SLC35F3: variants seen among roughly 807,000 people sequenced by gnomAD.
SLC35F3 encodes solute carrier family 35 member F3.
Under a neutral mutation model 49.9 loss-of-function variants are expected in SLC35F3, and 25 were observed. The ratio of observed to expected loss-of-function variants is 0.50; its 90% CI spans 0.37 to 0.70. SLC35F3 has a LOEUF of 0.70. Ranked by LOEUF, SLC35F3 falls within the 30% of genes least tolerant of loss-of-function variation. The probability of loss-of-function intolerance (pLI) is 0.00; values close to 1 mark genes in which losing one functional copy is unlikely to be tolerated. For synonymous variants in SLC35F3, 275 were observed against 265.4 expected (o/e 1.04, Z -0.35); for missense variants, 525 against 639.8 (o/e 0.82, Z 1.94).
intron 2 of SLC35F3, among the ~76,000 whole-genome samples, chr1:234,155,821 G>C (rs1298187756): frequency 1.3e-5 from 2 of 150,704 alleles, no homozygotes; most frequent in African/African-American, 4.9e-5. Flanking sequence ...ATAGGGTGGA[G>C]TAATTTTTAA....
chr1:234,083,087 C>T (rs750633450), intron 2 of SLC35F3, among the ~76,000 whole-genome samples: 15 of 152,284 alleles, frequency 9.9e-5, no homozygotes, highest in Non-Finnish European at 1.9e-4. Flanking sequence ...TTTCCTCTTT[C>T]TGTTTCCTCC....
chr1:234,061,189 G>A (rs746453962), intron 2 of SLC35F3, among the ~76,000 whole-genome samples: 1 of 151,676 alleles, frequency 6.6e-6, no homozygotes, highest in Non-Finnish European at 1.5e-5. Context: ...TTATCTCAAG[G>A]CGTCTTTTCT....
intron 4 of SLC35F3, among the ~76,000 whole-genome samples, chr1:234,314,353 G>A (rs1273282754): frequency 6.6e-6 from 1 of 152,198 alleles, no homozygotes; most frequent in Non-Finnish European, 1.5e-5. Context: ...GAGAACAGAG[G>A]AAGAGGTTGG....
intron 2 of SLC35F3, among the ~76,000 whole-genome samples, chr1:234,171,227 T>G (rs1020246809): frequency 4.6e-5 from 7 of 152,204 alleles, no homozygotes; most frequent in Non-Finnish European, 7.3e-5. Flanking sequence ...CAGGGGATTC[T>G]GCATACTGGG....
Position 234,214,708 on chromosome 1 carries a change from A to G in SLC35F3, c.284-16709A>G. The G allele has an allele frequency of 1.7e-6, 2 of 1,209,190 alleles. No homozygotes were observed. The highest frequency in any genetic ancestry group is 2.2e-6 in the Non-Finnish European group (2 of 917,220). 74.9% of individuals were successfully genotyped at this position (1,209,190 alleles called of 1,614,324 possible). A position where few individuals can be genotyped will look rare whatever the true frequency, so the allele number is the denominator to read the frequency against. On this transcript the variant is annotated intron_variant, in intron 2 of 7. Transcript: ENST00000366618. This position sits in a 1 kb window ranked among gnomAD's most constrained non-coding sequence, Gnocchi z 8.0. ...CCCCCAGGACGCGGCTCCGCAGTGC[A>G]GAGCGCCGCCGCCTGCGTGGGGGGA...
chr1:233,941,655 A>T (rs1164418754), intron 2 of SLC35F3, among the ~76,000 whole-genome samples: 4 of 152,214 alleles, frequency 2.6e-5, no homozygotes, highest in Non-Finnish European at 5.9e-5. Context: ...CTCCCCGATG[A>T]TCAGGGAACT....
At chr1:234,018,308 A>C (rs2102841389) in intron 2 of SLC35F3, among the ~76,000 whole-genome samples, 1 of 152,312 alleles carries the variant, frequency 6.6e-6, no homozygotes, top group South Asian at 2.1e-4. Context: ...TTTATGCCCT[A>C]GAAGAAAGGC....
chr1:234,181,157 A>G (rs762030114), intron 2 of SLC35F3, among the ~76,000 whole-genome samples: 10 of 151,202 alleles, frequency 6.6e-5, no homozygotes, highest in Non-Finnish European at 1.0e-4. Flanking sequence ...ACATGGCAAA[A>G]TCCTCTGTCT....
At chr1:234,135,109 C>T (rs1665790398) in intron 2 of SLC35F3, among the ~76,000 whole-genome samples, 1 of 152,112 alleles carries the variant, frequency 6.6e-6, no homozygotes, top group African/African-American at 2.4e-5. Flanking sequence ...TCAGGGAAGG[C>T]CTCTGTAATT....
intron 3 of SLC35F3, among the ~76,000 whole-genome samples, chr1:234,257,785 G>A (rs913311940): frequency 2.6e-5 from 4 of 152,216 alleles, no homozygotes; most frequent in Middle Eastern, 3.2e-3. Flanking sequence ...GTGGATGGCC[G>A]TATTGAGATT....
At chr1:234,241,884 G>T (rs1364362913) in intron 3 of SLC35F3, among the ~76,000 whole-genome samples, 1 of 152,138 alleles carries the variant, frequency 6.6e-6, no homozygotes, top group African/African-American at 2.4e-5. Flanking sequence ...GCTGGTCAAT[G>T]ATTACCCGAG....
chr1:233,905,551 G>T lies in SLC35F3; in HGVS notation c.76G>T (p.Val26Phe). 6.2e-7 allele frequency: 1 copy of T among 1,613,800 alleles called. No homozygotes were observed. Among genetic ancestry groups the T allele is most frequent in the Non-Finnish European group, 8.5e-7 (1 of 1,179,888 alleles). The change falls in exon 2 of 8, where the codon GTC becomes TTC. Residue 26 changes from valine to phenylalanine, a missense_variant. Physicochemically the swap from Val to Phe is conservative, Grantham distance 50. Coordinates refer to ENST00000366618, the MANE Select transcript of SLC35F3 (RefSeq NM_173508.4). ...IAVGMRRSPD[V>F]SPRRLSDISP... ...CAGTGGCATGAGGAGGTCACCGGAC[G>T]TCAGCCCCCGGAGACTGTCCGACAT...
intron 2 of SLC35F3, among the ~76,000 whole-genome samples, chr1:233,958,709 A>G (rs1662745459): frequency 6.6e-6 from 1 of 152,266 alleles, no homozygotes; most frequent in Non-Finnish European, 1.5e-5. Flanking sequence ...TCAAGATCCC[A>G]GTGGATAGCT....
chr1:233,979,015 G>A (rs1360261351), intron 2 of SLC35F3, among the ~76,000 whole-genome samples: 2 of 149,328 alleles, frequency 1.3e-5, no homozygotes, highest in African/African-American at 5.0e-5. Context: ...CAGCCTGGAC[G>A]ACAGAGTGAA....
intron 3 of SLC35F3, among the ~76,000 whole-genome samples, chr1:234,275,137 G>C (rs74671971): frequency 0.06 from 9,197 of 152,152 alleles, 333 homozygotes; most frequent in African/African-American, 0.099. Flanking sequence ...ATTTCACACC[G>C]GACCTCATTT....
chr1:234,241,947 A>T (rs986431280), intron 3 of SLC35F3, among the ~76,000 whole-genome samples: 1 of 152,150 alleles, frequency 6.6e-6, no homozygotes, highest in African/African-American at 2.4e-5. Flanking sequence ...GCCTTTCTGC[A>T]CATGCCATAT....
At chr1:234,059,427 T>G (rs148696893) in intron 2 of SLC35F3, among the ~76,000 whole-genome samples, 1 of 152,318 alleles carries the variant, frequency 6.6e-6, no homozygotes, top group East Asian at 1.9e-4. Context: ...TGGTTTCTTC[T>G]TTAATCCCTT....
intron 3 of SLC35F3, among the ~76,000 whole-genome samples, chr1:234,262,559 T>G (rs1486508642): frequency 6.6e-6 from 1 of 152,218 alleles, no homozygotes; most frequent in Non-Finnish European, 1.5e-5. Flanking sequence ...CTAGGTAAGC[T>G]GTTTTTATTA....
intron 2 of SLC35F3, among the ~76,000 whole-genome samples, chr1:234,095,034 T>TA: frequency 6.6e-6 from 1 of 152,360 alleles, no homozygotes; most frequent in Middle Eastern, 3.4e-3. Flanking sequence ...CAGGGGGGTT[T>TA]ATCTGATCAG....
Sources: allele counts gnomAD v4.1 joint callset (sites outside exome capture counted in the v4.1 genomes callset), GRCh38; gene constraint gnomAD v4.1.1; non-coding constraint Gnocchi (gnomAD v3.1); transcripts MANE v1.5; gene names NCBI Gene and HGNC (gene_info 2026-07-23, HGNC 2026-07-21).